The following NAV3 variants were observed in gnomAD, a reference collection of about 807,000 sequenced individuals.
NAV3 encodes the protein neuron navigator 3.
A neutral mutation model predicts 244.7 loss-of-function variants in NAV3; 87 were observed. The observed-to-expected ratio is 0.36, with a 90% CI of 0.30 to 0.42. NAV3 has a LOEUF of 0.42. Ranked by LOEUF, NAV3 falls within the 20% of genes least tolerant of loss-of-function variation. The pLI, the probability that NAV3 is intolerant of heterozygous loss-of-function variation, is 1.00. For synonymous variants in NAV3, 1,126 were observed against 1,042.2 expected (o/e 1.08, Z -1.55); for missense variants, 2,663 against 2,893.3 (o/e 0.92, Z 1.83).
chr12:77,684,859 C>T (rs1424104366), intron 2 of NAV3, among the ~76,000 whole-genome samples: 2 of 152,136 alleles, frequency 1.3e-5, no homozygotes, highest in Non-Finnish European at 1.5e-5. Context: ...ATCATGGTTC[C>T]GTTTTTTTCC....
intron 34 of NAV3, among the ~76,000 whole-genome samples, chr12:78,196,975 T>C (rs1476024224): frequency 6.6e-6 from 1 of 151,974 alleles, no homozygotes; most frequent in Non-Finnish European, 1.5e-5. Flanking sequence ...CTTAGAAATA[T>C]GCCGTCATGT....
intron 2 of NAV3, among the ~76,000 whole-genome samples, chr12:77,808,868 C>A (rs376584758): frequency 6.6e-6 from 1 of 152,296 alleles, no homozygotes; most frequent in South Asian, 2.1e-4. Flanking sequence ...TCAGATATGC[C>A]GTCTCAGAGA....
chr12:77,634,013 T>C (rs565798042), intron 2 of NAV3, among the ~76,000 whole-genome samples: 3 of 152,320 alleles, frequency 2.0e-5, no homozygotes, highest in South Asian at 2.1e-4. Context: ...ATTAAATTTA[T>C]CAGTAAGTGT....
chr12:77,652,314 A>T (rs555026409), intron 2 of NAV3, among the ~76,000 whole-genome samples: 10 of 152,296 alleles, frequency 6.6e-5, no homozygotes, highest in African/African-American at 2.4e-4. Context: ...TTATAGATTC[A>T]TTCTAAAACA....
In NAV3 at chr12:78,159,600, C is replaced by A. The variant is rs182839258; in HGVS notation, c.4869+314C>A. 4.1e-4 allele frequency among the ~76,000 whole-genome samples: 63 copies of A among 151,932 alleles called. 3 individuals carry two copies. The East Asian group carries it at 6.2e-3, about 15-fold the overall frequency. On this transcript the variant is annotated intron_variant, in intron 23 of 39. Coordinates refer to ENST00000397909, the MANE Select transcript of NAV3 (RefSeq NM_001024383.2). ...AGGAGAATCACTTGAACCCAGGAGG[C>A]AGAGGACGCAGTGAGCCAAGATCAC...
Position 77,591,524 on chromosome 12 carries a change from A to G in NAV3, c.72+19258A>G, listed in dbSNP as rs1459093437. Among the ~76,000 whole-genome samples, 3 of 152,328 alleles carry G rather than the reference A, an allele frequency of 2.0e-5. No homozygotes were observed. In the East Asian group the frequency reaches 5.8e-4, roughly 29 times the overall value. The stretch of plus-strand genomic sequence containing the variant: ...ACAGAAGGAAGAAGCTTGTAGTTGG[A>G]GAATAACTGATTTCTTGAGTCTATA... On this transcript the variant is annotated intron_variant, in intron 2 of 8. Coordinates refer to the NAV3 transcript ENST00000550042.
intron 2 of NAV3, among the ~76,000 whole-genome samples, chr12:77,671,926 G>C (rs923855430): frequency 1.3e-5 from 2 of 152,090 alleles, no homozygotes; most frequent in Non-Finnish European, 2.9e-5. Context: ...AAACTAAAAA[G>C]CTTCTGCACA....
chr12:78,170,241 G>C (rs984830321), intron 24 of NAV3, among the ~76,000 whole-genome samples: 1 of 151,644 alleles, frequency 6.6e-6, no homozygotes, highest in African/African-American at 2.4e-5. Flanking sequence ...CTCCTTCAGT[G>C]CTCTTTGCCT....
chr12:77,700,121 A>C (rs1399103962), intron 2 of NAV3, among the ~76,000 whole-genome samples: 1 of 152,148 alleles, frequency 6.6e-6, no homozygotes, highest in Admixed American at 6.6e-5. Context: ...TCAAGACCTT[A>C]ACTCCTATGT....
chr12:77,800,431 C>A (rs1316962412), intron 2 of NAV3, among the ~76,000 whole-genome samples: 2 of 152,068 alleles, frequency 1.3e-5, no homozygotes, highest in Admixed American at 1.3e-4. Context: ...AGCGATTGTA[C>A]AATGGTTCAA....
chr12:77,876,092 C>G lies in NAV3; in HGVS notation c.243+44388C>G, dbSNP rs955462837. On this transcript the variant is annotated intron_variant, in intron 1 of 39. Transcript: ENST00000397909. ...GAAAATATAATTAATTTATGCTTCTCTCAGTATTTTATAGCCATGATTTTA... is the reference window on the plus strand; with the variant it reads ...GAAAATATAATTAATTTATGCTTCTGTCAGTATTTTATAGCCATGATTTTA... Among the ~76,000 whole-genome samples, 4 of 151,984 alleles carry G rather than the reference C, an allele frequency of 2.6e-5. No homozygotes were observed. The East Asian group carries it at 7.7e-4, about 29-fold the overall frequency.
At chr12:78,190,412 C>G (rs1464197331) in intron 34 of NAV3, among the ~76,000 whole-genome samples, 193 bp downstream of exon 34, 1 of 151,862 alleles carries the variant, frequency 6.6e-6, no homozygotes, top group Non-Finnish European at 1.5e-5. Context: ...TTTTCAGTAA[C>G]ATTCAGTTAT....
At chr12:78,113,433 C>G (rs546512691) in intron 12 of NAV3, among the ~76,000 whole-genome samples, 16 of 152,364 alleles carry the variant, frequency 1.1e-4, no homozygotes, top group African/African-American at 3.8e-4. Context: ...CTTACATCCT[C>G]TGGAATCTAG....
chr12:78,002,643 GTTTTC>G (rs1057120949), intron 7 of NAV3, among the ~76,000 whole-genome samples: 13 of 151,856 alleles, frequency 8.6e-5, no homozygotes, highest in East Asian at 5.8e-4. Context: ...GAACTGAACT[GTTTTC>G]TTTTCAAGCC....
At chr12:78,001,887 T>G (rs376856928) in intron 7 of NAV3, among the ~76,000 whole-genome samples, 2 of 152,242 alleles carry the variant, frequency 1.3e-5, no homozygotes, top group African/African-American at 4.8e-5. Flanking sequence ...CTTCAGTTTC[T>G]TCTCCTGATG....
At chr12:77,976,764 C>T (rs1019661379) in intron 5 of NAV3, among the ~76,000 whole-genome samples, 1 of 146,274 alleles carries the variant, frequency 6.8e-6, no homozygotes, top group African/African-American at 2.5e-5. Flanking sequence ...CTGCAACCTT[C>T]CCCTCCCGGG....
intron 9 of NAV3, among the ~76,000 whole-genome samples, chr12:78,045,879 G>A (rs1315964920): frequency 1.3e-5 from 2 of 152,080 alleles, no homozygotes; most frequent in Non-Finnish European, 2.9e-5. Context: ...TTTTTGGTTG[G>A]TAGGCTATTA....
At chr12:77,905,896 C>T (rs1330827739) in intron 1 of NAV3, among the ~76,000 whole-genome samples, 1 of 152,156 alleles carries the variant, frequency 6.6e-6, no homozygotes, top group Admixed American at 6.6e-5. Flanking sequence ...CTGGACATGA[C>T]ATGATGGCCT....
chr12:77,583,904 G>T (rs1249397557), intron 2 of NAV3, among the ~76,000 whole-genome samples: 1 of 152,028 alleles, frequency 6.6e-6, no homozygotes, highest in African/African-American at 2.4e-5. Flanking sequence ...CCATCTCTAA[G>T]TTCCTTGAAC....
Sources: gnomAD v4.1 joint callset for allele counts (sites outside exome capture counted in the v4.1 genomes callset) on GRCh38, gnomAD v4.1.1 for gene constraint, MANE v1.5 for transcripts, NCBI Gene and HGNC (gene_info 2026-07-23, HGNC 2026-07-21) for gene names.